The following ELK3 variants were observed in gnomAD, a reference collection of about 807,000 sequenced individuals.
ELK3 encodes the protein ETS domain-containing protein Elk-3.
In ELK3, 10 loss-of-function variants were observed where a neutral mutation model predicts 28.9. The ratio of observed to expected loss-of-function variants is 0.35; its 90% CI spans 0.21 to 0.59. The LOEUF is 0.59. Ranked by LOEUF, ELK3 falls within the 20% of genes least tolerant of loss-of-function variation. The pLI, the probability that ELK3 is intolerant of heterozygous loss-of-function variation, is 0.82. For missense variants in ELK3, 463 were observed against 517.3 expected, an observed-to-expected ratio of 0.90 and a Z score of 1.02; for synonymous variants, 272 against 243.5, an observed-to-expected ratio of 1.12 and a Z score of -1.09.
At chr12:96,217,711 A>G (rs1011023175) in intron 1 of ELK3, among the ~76,000 whole-genome samples, 12 of 152,068 alleles carry the variant, frequency 7.9e-5, no homozygotes, top group African/African-American at 2.7e-4. Flanking sequence ...CGAGGCGGGC[A>G]GATCACCTGA....
intron 1 of ELK3, among the ~76,000 whole-genome samples, chr12:96,206,898 C>T (rs891782541): frequency 3.9e-5 from 6 of 152,134 alleles, no homozygotes; most frequent in Admixed American, 6.5e-5. Context: ...AATGAATGAA[C>T]GGTTGGTCTG....
chr12:96,266,996 C>CTATG, intron 4 of ELK3, 86 bp from the exon 5 acceptor site: 1 of 1,116,328 alleles, frequency 9.0e-7, no homozygotes, highest in Non-Finnish European at 1.3e-6. Flanking sequence ...AAATGGACTG[C>CTATG]TATGGACTGT....
At chr12:96,258,388 T>C (rs1420261686) in intron 3 of ELK3, among the ~76,000 whole-genome samples, 1 of 152,250 alleles carries the variant, frequency 6.6e-6, no homozygotes, top group Admixed American at 6.5e-5. Flanking sequence ...GCTTCACAGT[T>C]TGAGGAACTT....
chr12:96,241,966 A>T (rs1951824438), intron 2 of ELK3, among the ~76,000 whole-genome samples: 1 of 152,194 alleles, frequency 6.6e-6, no homozygotes, highest in Non-Finnish European at 1.5e-5. Context: ...ATTTAATGGG[A>T]AATTACAAAG....
chr12:96,216,063 C>G (rs551617721), intron 1 of ELK3, among the ~76,000 whole-genome samples: 1 of 152,220 alleles, frequency 6.6e-6, no homozygotes, highest in Non-Finnish European at 1.5e-5. Flanking sequence ...GTTTTACTCT[C>G]GGCCTCTCTA....
At position 96,259,856 on chromosome 12, in the gene ELK3, G is replaced by A. The variant is rs1394830042; in HGVS notation, c.1125+3G>A. 6.3e-7 allele frequency: 1 copy of A among 1,590,644 alleles called. No homozygotes were observed. The highest frequency in any genetic ancestry group is 1.7e-5 in the Admixed American group (1 of 57,624). On this transcript the variant is annotated splice_donor_region_variant and intron_variant, in intron 4 of 4. Transcript: ENST00000228741. Reference sequence around the variant, plus strand: ...AAGGGCCAAGCACGCTGTTCCAGGTGAGCGTTTGGAAATGAACTTTTGAAC... The same window carrying A: ...AAGGGCCAAGCACGCTGTTCCAGGTAAGCGTTTGGAAATGAACTTTTGAAC...
Position 96,247,831 on chromosome 12 carries a change from G to T in ELK3, c.1002+97G>T. The T allele has an allele frequency of 7.3e-7, 1 of 1,362,492 alleles. No homozygotes were observed. The highest frequency in any genetic ancestry group is 1.5e-5 in the South Asian group (1 of 65,570). The allele number at this position is 1,362,492 out of a possible 1,614,324, so 84.4% of individuals were successfully genotyped here. On this transcript the variant is annotated intron_variant, in intron 3 of 4. Coordinates refer to ENST00000228741, the MANE Select transcript of ELK3 (RefSeq NM_005230.4). This position sits in a 1 kb window ranked among gnomAD's most constrained non-coding sequence, Gnocchi z 5.5. ...GAGACTTCCTTCTGTCCCTCAAAAC[G>T]TTGTCCTATGACTCGTACCGAGGTC...
intron 1 of ELK3, among the ~76,000 whole-genome samples, chr12:96,215,587 G>A: frequency 6.8e-6 from 1 of 147,260 alleles, no homozygotes; most frequent in African/African-American, 2.5e-5. Flanking sequence ...ATGAATCAAA[G>A]TTAAATAAAA....
chr12:96,250,166 C>T (rs563829916), intron 3 of ELK3, among the ~76,000 whole-genome samples: 35 of 152,294 alleles, frequency 2.3e-4, no homozygotes, highest in African/African-American at 8.2e-4. Flanking sequence ...CTAAGGGGGT[C>T]ACCAGCTACA....
intron 2 of ELK3, among the ~76,000 whole-genome samples, chr12:96,226,583 G>T (rs897552274): frequency 4.0e-5 from 6 of 148,844 alleles, no homozygotes; most frequent in Non-Finnish European, 8.9e-5. Context: ...TGCACACACA[G>T]ATGTCCACAT....
intron 1 of ELK3, among the ~76,000 whole-genome samples, chr12:96,205,815 G>C (rs766070468): frequency 1.6e-4 from 24 of 152,210 alleles, no homozygotes; most frequent in Non-Finnish European, 2.9e-4. Flanking sequence ...CTTCATCTTA[G>C]ATAGTTGAGG....
At chr12:96,197,530 T>G (rs1224253072) in intron 1 of ELK3, among the ~76,000 whole-genome samples, 1 of 152,208 alleles carries the variant, frequency 6.6e-6, no homozygotes, top group Non-Finnish European at 1.5e-5. Context: ...CATTCATGAA[T>G]TTTCTCTTTC....
At chr12:96,238,756 G>A (rs1194572232) in intron 2 of ELK3, among the ~76,000 whole-genome samples, 5 of 152,178 alleles carry the variant, frequency 3.3e-5, no homozygotes, top group African/African-American at 4.8e-5. Flanking sequence ...TGGACCTTAC[G>A]GAAGATTGGT....
intron 1 of ELK3, among the ~76,000 whole-genome samples, chr12:96,213,023 G>A (rs1386733693): frequency 6.6e-6 from 1 of 152,196 alleles, no homozygotes; most frequent in East Asian, 1.9e-4. Context: ...TTGTTTGTCA[G>A]GGGCTGTGTT....
chr12:96,210,561 G>GCACACACACGCA (rs368183390), intron 1 of ELK3, among the ~76,000 whole-genome samples: 8 of 144,848 alleles, frequency 5.5e-5, no homozygotes, highest in African/African-American at 1.8e-4. Context: ...GCGCGCGGGC[G>GCACACACACGCA]CACGCACACA....
At chr12:96,262,448 C>T (rs767137870) in intron 4 of ELK3, among the ~76,000 whole-genome samples, 8 of 152,040 alleles carry the variant, frequency 5.3e-5, no homozygotes, top group Non-Finnish European at 7.4e-5. Context: ...TTAAAGGCTA[C>T]CTGCTTAGAG....
Position 96,267,706 on chromosome 12 carries a change from A to G in ELK3, c.*526A>G, listed in dbSNP as rs1411422431. ...ACCAGTGGGCAATATGAAAGCATAT[A>G]TCACGTTTTGTTTTACTTTCAATTG... On this transcript the variant is annotated 3_prime_UTR_variant, in exon 5 of 5. Transcript: ENST00000228741. The G allele has an allele frequency of 6.5e-6, 1 of 152,750 alleles. No individual in the cohort carries two copies. The highest frequency in any genetic ancestry group is 1.5e-5 in the Non-Finnish European group (1 of 68,094). 9.5% of individuals were successfully genotyped at this position (152,750 alleles called of 1,614,324 possible). A position where few individuals can be genotyped will look rare whatever the true frequency, so the allele number is the denominator to read the frequency against.
chr12:96,205,735 G>A (rs183202611), intron 1 of ELK3, among the ~76,000 whole-genome samples: 10 of 152,232 alleles, frequency 6.6e-5, no homozygotes, highest in African/African-American at 9.6e-5. Flanking sequence ...ATTAAACTCC[G>A]GGCAGAGAGA....
intron 4 of ELK3, among the ~76,000 whole-genome samples, chr12:96,266,447 C>A (rs1952030625): frequency 1.3e-5 from 2 of 152,170 alleles, no homozygotes. Flanking sequence ...CATATACTGT[C>A]ATCCTACTAT....
Sources: allele counts gnomAD v4.1 joint callset (sites outside exome capture counted in the v4.1 genomes callset), GRCh38; gene constraint gnomAD v4.1.1; non-coding constraint Gnocchi (gnomAD v3.1); transcripts MANE v1.5; gene names NCBI Gene and HGNC (gene_info 2026-07-23, HGNC 2026-07-21).